Variants in RGS16 observed in about 807,000 individuals in gnomAD.
RGS16 encodes hRGS-r.
Under a neutral mutation model 18.1 loss-of-function variants are expected in RGS16, and 12 were observed. That is an observed-to-expected ratio of 0.66 (90% CI 0.42 to 1.07). The LOEUF is 1.07. Among genes scored for constraint, RGS16 ranks in the 50% least tolerant of loss-of-function variants. RGS16 has a pLI of 0.00. For missense variants in RGS16, 238 were observed against 249.2 expected, an observed-to-expected ratio of 0.95 and a Z score of 0.30; for synonymous variants, 88 against 102.0, an observed-to-expected ratio of 0.86 and a Z score of 0.83.
chr1:182,604,352 T>A lies in RGS16; in HGVS notation c.-93A>T. On this transcript the variant is annotated 5_prime_UTR_variant, in exon 1 of 5. Transcript: ENST00000367558. ...CAGGAAGCAAAGGCGCGGTAGCAGGTGCTAGTCAACTGCGGTTGGGTTTAG... is the reference window on the plus strand; with the variant it reads ...CAGGAAGCAAAGGCGCGGTAGCAGGAGCTAGTCAACTGCGGTTGGGTTTAG... 7.5e-7 allele frequency: 1 copy of A among 1,334,666 alleles called. No homozygotes were observed. Among genetic ancestry groups the A allele is most frequent in the South Asian group, 1.4e-5 (1 of 71,846 alleles). 82.7% of individuals were successfully genotyped at this position (1,334,666 alleles called of 1,614,324 possible). A position where few individuals can be genotyped will look rare whatever the true frequency, so the allele number is the denominator to read the frequency against.
chr1:182,600,627 T>C (rs930832758), intron 4 of RGS16, 114 bp from the exon 5 acceptor site: 5 of 798,510 alleles, frequency 6.3e-6, no homozygotes, highest in Admixed American at 4.0e-5. Context: ...CATCAGGAAG[T>C]GGGGGCTCCT....
In RGS16 at chr1:182,602,407, G is replaced by A; in HGVS notation, c.220+13C>T. On this transcript the variant is annotated intron_variant, in intron 3 of 4. Coordinates refer to ENST00000367558, the MANE Select transcript of RGS16 (RefSeq NM_002928.4). ...GTGCCACCCAGAGACAGACACAAAA[G>A]GCTCCTACTCACTTTTACTGCTCAG... 1 of 1,612,244 alleles carries A rather than the reference G, an allele frequency of 6.2e-7. No individual in the cohort carries two copies. Among genetic ancestry groups the A allele is most frequent in the Non-Finnish European group, 8.5e-7 (1 of 1,178,744 alleles).
At chr1:182,603,136 A>T in intron 2 of RGS16, 93 bp downstream of exon 2, 1 of 894,094 alleles carries the variant, frequency 1.1e-6, no homozygotes, top group Non-Finnish European at 1.9e-6. Context: ...AGGTCCACTT[A>T]GCGTGTCCTG....
rs750549051 is a variant in RGS16, at chr1:182,600,493, G to A, written c.408C>T (p.Thr136=). ...GCAGGTTCATCCTCGTCAGCTCGTG[G>A]GTCTCATGGTCAATGTTGACCTGCG... is the stretch of plus-strand genomic sequence containing the variant. ...APKEVNIDHE[T]HELTRMNLQT... Residue 136 remains threonine (T), a synonymous_variant, in exon 5 of 5, where the codon ACC becomes ACT. Transcript: ENST00000367558. The A allele has an allele frequency of 8.1e-6, 13 of 1,613,842 alleles. No individual in the cohort carries two copies. The highest frequency in any genetic ancestry group is 1.0e-5 in the Non-Finnish European group (12 of 1,179,912).
chr1:182,603,924 G>C (rs957467848), intron 1 of RGS16, among the ~76,000 whole-genome samples: 6 of 152,184 alleles, frequency 3.9e-5, no homozygotes, highest in Non-Finnish European at 8.8e-5. Flanking sequence ...GCTCAGTGCT[G>C]CCTGGAAATG....
chr1:182,603,117 G>T, intron 2 of RGS16, 112 bp downstream of exon 2: 1 of 776,362 alleles, frequency 1.3e-6, no homozygotes, highest in African/African-American at 1.7e-5. Context: ...CTCTAGGGAG[G>T]TGTTGCCAAG....
At chr1:182,601,087 A>C (rs1276200925) in intron 4 of RGS16, among the ~76,000 whole-genome samples, 5 of 152,248 alleles carry the variant, frequency 3.3e-5, no homozygotes, top group Non-Finnish European at 5.9e-5. Context: ...TGACTGTGAC[A>C]GGCAGGCTCT....
At position 182,602,088 on chromosome 1, in the gene RGS16, C is replaced by G; in HGVS notation, c.265G>C (p.Glu89Gln). ...GCCAGCCAGAACTCCAGGTTCTCCT[C>G]ACTGAACTCTGTCTTCAGGAAAGCG... ...FHAFLKTEFS[E>Q]ENLEFWLACE... Residue 89 changes from glutamate (E) to glutamine (Q), a missense_variant, in exon 4 of 5, where the codon GAG becomes CAG. Coordinates refer to ENST00000367558, the MANE Select transcript of RGS16 (RefSeq NM_002928.4). The G allele has an allele frequency of 6.2e-7, 1 of 1,614,190 alleles. No individual in the cohort carries two copies. Among genetic ancestry groups the G allele is most frequent in the Non-Finnish European group, 8.5e-7 (1 of 1,180,038 alleles).
In RGS16 at chr1:182,602,315, T is replaced by C. The variant is rs1236916508; in HGVS notation, c.220+105A>G. ...AGGGGATCATTATTATTATTATTAC[T>C]ACTACTATTATTCTGCCCAGGCTCT... is the stretch of plus-strand genomic sequence containing the variant. On this transcript the variant is annotated intron_variant, in intron 3 of 4. Transcript: ENST00000367558. 3 of 1,085,372 alleles carry C rather than the reference T, an allele frequency of 2.8e-6. No homozygotes were observed. The East Asian group carries it at 7.1e-5, about 26-fold the overall frequency. 67.2% of individuals were successfully genotyped at this position (1,085,372 alleles called of 1,614,324 possible).
Position 182,603,242 on chromosome 1 carries a change from G to A in RGS16, c.142C>T (p.His48Tyr). ...STGKFEWGSK[H>Y]SKENRNFSED... is the part of the protein sequence containing the mutation. ...AGCAACACTTACTTCTCTTTGCTGT[G>A]TTTACTGCCCCACTCGAACTTGCCA... Residue 48 changes from histidine (H) to tyrosine (Y), a missense_variant, in exon 2 of 5, where the codon CAC becomes TAC. His to Tyr is a moderately conservative substitution (Grantham distance 83). Coordinates refer to ENST00000367558, the MANE Select transcript of RGS16 (RefSeq NM_002928.4). 6.2e-7 allele frequency: 1 copy of A among 1,612,862 alleles called. No homozygotes were observed. Among genetic ancestry groups the A allele is most frequent in the Non-Finnish European group, 8.5e-7 (1 of 1,178,846 alleles).
chr1:182,600,613 G>T, intron 4 of RGS16, 100 bp from the exon 5 acceptor site: 1 of 934,726 alleles, frequency 1.1e-6, no homozygotes, highest in Admixed American at 1.9e-5. Context: ...AGCATCGGAT[G>T]CTGCATCAGG....
chr1:182,600,235 TC>T lies in RGS16; in HGVS notation c.*56del, dbSNP rs2102379989. 1 of 1,280,804 alleles carries T rather than the reference TC, an allele frequency of 7.8e-7. No individual in the cohort carries two copies. The highest frequency in any genetic ancestry group is 1.7e-5 in the African/African-American group (1 of 57,244). The allele number at this position is 1,280,804 out of a possible 1,614,324, so 79.3% of individuals were successfully genotyped here. On this transcript the variant is annotated 3_prime_UTR_variant, in exon 5 of 5. Transcript: ENST00000367558. ...TGCCTCCCACACAGGGGCAGCCACC[TC>T]GGGGATGGGTGACTCAACCTCTCTT...
chr1:182,600,492 G>A lies in RGS16; in HGVS notation c.409C>T (p.His137Tyr), dbSNP rs140444624. ...PKEVNIDHETHELTRMNLQTA... is the reference protein window; with the variant it reads ...PKEVNIDHETYELTRMNLQTA... ...TGCAGGTTCATCCTCGTCAGCTCGT[G>A]GGTCTCATGGTCAATGTTGACCTGC... Residue 137 changes from histidine (H) to tyrosine (Y), a missense_variant, in exon 5 of 5, where the codon CAC becomes TAC. By Grantham distance (83) the His-to-Tyr change is moderately conservative. Transcript: ENST00000367558. 1.1e-3 allele frequency: 1,729 copies of A among 1,613,836 alleles called. 1 individual carries two copies. The highest frequency in any genetic ancestry group is 1.2e-3 in the Non-Finnish European group (1,412 of 1,179,840).
chr1:182,601,206 G>A (rs775102502), intron 4 of RGS16, among the ~76,000 whole-genome samples: 8 of 152,116 alleles, frequency 5.3e-5, no homozygotes, highest in Admixed American at 4.6e-4. Flanking sequence ...AAAACCTTAC[G>A]TCTTCCCAGG....
intron 4 of RGS16, 106 bp downstream of exon 4, chr1:182,601,860 C>T (rs530448265): frequency 1.4e-6 from 2 of 1,392,682 alleles, no homozygotes; most frequent in South Asian, 1.2e-5. Context: ...CCAAGTAAGG[C>T]CCTTCTACCT....
chr1:182,601,765 C>T, intron 4 of RGS16: 1 of 619,042 alleles, frequency 1.6e-6, no homozygotes, highest in South Asian at 1.9e-5. Context: ...CCTGCCCCAT[C>T]ATGAGTCTTA....
chr1:182,602,837 T>C (rs947494258), intron 2 of RGS16, among the ~76,000 whole-genome samples: 1 of 152,210 alleles, frequency 6.6e-6, no homozygotes, highest in Non-Finnish European at 1.5e-5. Flanking sequence ...AGAGATTACA[T>C]CTACACATAA....
At chr1:182,602,515 GAA>G (rs761364788) in intron 2 of RGS16, 31 bp from the exon 3 acceptor site, 12 of 1,581,628 alleles carry the variant, frequency 7.6e-6, no homozygotes, top group Non-Finnish European at 1.0e-5. Context: ...AAAAGAGTAA[GAA>G]AAAAAATCAA....
chr1:182,600,606 A>G (rs1413734223), intron 4 of RGS16, 93 bp from the exon 5 acceptor site: 1 of 1,004,186 alleles, frequency 1.0e-6, no homozygotes, highest in African/African-American at 1.6e-5. Context: ...TGGAAAGAGC[A>G]TCGGATGCTG....
Sources: allele counts gnomAD v4.1 joint callset (sites outside exome capture counted in the v4.1 genomes callset), GRCh38; gene constraint gnomAD v4.1.1; transcripts MANE v1.5; gene names NCBI Gene and HGNC (gene_info 2026-07-23, HGNC 2026-07-21).